Variants in C10orf88 observed in about 807,000 individuals in gnomAD.
C10orf88 encodes the protein chromosome 10 open reading frame 88, also known as ATPase PAAT.
In C10orf88, 29 loss-of-function variants were observed where a neutral mutation model predicts 34.2. The ratio of observed to expected loss-of-function variants is 0.85; its 90% CI spans 0.63 to 1.16. The LOEUF (loss-of-function observed/expected upper bound fraction) is 1.16. Ranked by LOEUF, C10orf88 falls within the 50% of genes most tolerant of loss-of-function variation. The pLI, the probability that C10orf88 is intolerant of heterozygous loss-of-function variation, is 0.00. For synonymous variants in C10orf88, 194 were observed against 197.4 expected (o/e 0.98, Z 0.15); for missense variants, 507 against 533.2 (o/e 0.95, Z 0.48).
chr10:122,945,953 C>T (rs776364631), intron 4 of C10orf88, among the ~76,000 whole-genome samples: 2 of 151,864 alleles, frequency 1.3e-5, no homozygotes, highest in African/African-American at 2.4e-5. Flanking sequence ...AAAAATTAGT[C>T]TGGTGTGGTG....
intron 5 of C10orf88, among the ~76,000 whole-genome samples, chr10:122,933,166 C>T (rs115723410): frequency 0.016 from 2,446 of 152,216 alleles, 71 homozygotes; most frequent in African/African-American, 0.055. Flanking sequence ...CAATTTCTAA[C>T]GTTCACAATG....
chr10:122,952,114 T>C (rs776514590), intron 2 of C10orf88, 88 bp from the exon 3 acceptor site: 23 of 748,790 alleles, frequency 3.1e-5, no homozygotes, highest in Non-Finnish European at 4.5e-5. Flanking sequence ...TCCAGAACAA[T>C]ATTGAAATCC....
intron 3 of C10orf88, among the ~76,000 whole-genome samples, chr10:122,951,269 A>C (rs2133337215): frequency 6.6e-6 from 1 of 152,330 alleles, no homozygotes. Flanking sequence ...CAGTTTATAT[A>C]GTTTTTAAAA....
chr10:122,937,949 T>A lies in C10orf88; in HGVS notation c.859A>T (p.Asn287Tyr). The A allele has an allele frequency of 1.2e-6, 2 of 1,613,330 alleles. No individual in the cohort carries two copies. The highest frequency in any genetic ancestry group is 1.7e-6 in the Non-Finnish European group (2 of 1,179,482). The change falls in exon 5 of 6, where the codon AAT becomes TAT. Residue 287 changes from asparagine to tyrosine, a missense_variant. Transcript: ENST00000481909. ...DKSTQLPGGE[N>Y]STKLDECKVM... ...TTACACTCATCAAGCTTGGTAGAAT[T>A]CTCTCCACCAGGCAGTTGTGTACTT...
In C10orf88 at chr10:122,931,451, A is replaced by G. The variant is rs1288926590; in HGVS notation, c.*976T>C. ...AGATACCCTTTTTCTAAAAAATAAG[A>G]CATTTGAAGTAAAGATTAGTTGAAA... On this transcript the variant is annotated 3_prime_UTR_variant, in exon 6 of 6. Transcript: ENST00000481909. 1 of 152,196 alleles carries G rather than the reference A, an allele frequency of 6.6e-6. No individual in the cohort carries two copies. The highest frequency in any genetic ancestry group is 1.5e-5 in the Non-Finnish European group (1 of 68,020). 9.4% of individuals were successfully genotyped at this position (152,196 alleles called of 1,614,324 possible). A position where few individuals can be genotyped will look rare whatever the true frequency, so the allele number is the denominator to read the frequency against.
intron 3 of C10orf88, among the ~76,000 whole-genome samples, chr10:122,951,510 G>A (rs1220208997): frequency 6.6e-6 from 1 of 151,566 alleles, no homozygotes; most frequent in Non-Finnish European, 1.5e-5. Flanking sequence ...CGTGGCTCAT[G>A]GTTAAATTTT....
At chr10:122,942,044 T>A (rs2133331963) in intron 4 of C10orf88, among the ~76,000 whole-genome samples, 1 of 152,266 alleles carries the variant, frequency 6.6e-6, no homozygotes, top group South Asian at 2.1e-4. Context: ...AAAGAAAAAT[T>A]ATTTATAAAT....
intron 3 of C10orf88, among the ~76,000 whole-genome samples, 183 bp downstream of exon 3, chr10:122,951,771 A>C (rs2133337478): frequency 6.6e-6 from 1 of 152,054 alleles, no homozygotes; most frequent in East Asian, 1.9e-4. Flanking sequence ...ATGACGTTGC[A>C]GTGAGCCATG....
intron 4 of C10orf88, among the ~76,000 whole-genome samples, chr10:122,947,643 C>T (rs997423320): frequency 6.6e-6 from 1 of 152,292 alleles, no homozygotes; most frequent in South Asian, 2.1e-4. Flanking sequence ...TTCTCCTAAT[C>T]CTCTGTTTCC....
intron 4 of C10orf88, among the ~76,000 whole-genome samples, chr10:122,941,746 C>T (rs1034666385): frequency 5.9e-5 from 9 of 152,116 alleles, no homozygotes; most frequent in African/African-American, 1.9e-4. Flanking sequence ...TAAAAGGACA[C>T]AGAACTGTTT....
intron 4 of C10orf88, among the ~76,000 whole-genome samples, chr10:122,947,875 G>C (rs779192688): frequency 4.3e-4 from 65 of 151,976 alleles, no homozygotes; most frequent in Non-Finnish European, 7.6e-4. Context: ...CATCATTTTA[G>C]CATCATTTAG....
chr10:122,947,241 G>A (rs1435760044), intron 4 of C10orf88, among the ~76,000 whole-genome samples: 1 of 152,008 alleles, frequency 6.6e-6, no homozygotes, highest in Non-Finnish European at 1.5e-5. Context: ...CAGCTCTCCT[G>A]GTTCTCTTAA....
Position 122,950,076 on chromosome 10 carries a change from C to T in C10orf88, c.442-1221G>A, listed in dbSNP as rs138553509. On this transcript the variant is annotated intron_variant, in intron 3 of 5. Coordinates refer to ENST00000481909, the MANE Select transcript of C10orf88 (RefSeq NM_024942.4). ...GACATTTCATGTATGGTACAGACAA[C>T]AGAGTAGCAAAATGGAAAGGGAACG... is the stretch of plus-strand genomic sequence containing the variant. 3.3e-5 allele frequency among the ~76,000 whole-genome samples: 5 copies of T among 152,248 alleles called. No homozygotes were observed. In the East Asian group the frequency reaches 9.7e-4, roughly 29 times the overall value.
intron 5 of C10orf88, among the ~76,000 whole-genome samples, chr10:122,936,808 T>C (rs1467847289): frequency 6.6e-6 from 1 of 152,042 alleles, no homozygotes; most frequent in Non-Finnish European, 1.5e-5. Flanking sequence ...TATTGGTTTC[T>C]AGTTAGATTC....
intron 1 of C10orf88, among the ~76,000 whole-genome samples, chr10:122,953,649 T>G (rs1564724014): frequency 1.3e-5 from 2 of 152,220 alleles, no homozygotes; most frequent in Non-Finnish European, 2.9e-5. Context: ...ACAGCGATCA[T>G]CTATAGCTGG....
intron 4 of C10orf88, among the ~76,000 whole-genome samples, chr10:122,939,306 A>G (rs184429103): frequency 8.9e-4 from 136 of 151,972 alleles, no homozygotes; most frequent in Non-Finnish European, 1.4e-3. Context: ...AAGAAAAGAA[A>G]AAGAGAAAGT....
At chr10:122,953,785 TC>T (rs1848717875) in intron 1 of C10orf88, among the ~76,000 whole-genome samples, 1 of 151,748 alleles carries the variant, frequency 6.6e-6, no homozygotes, top group Non-Finnish European at 1.5e-5. Context: ...AAATTCCGAG[TC>T]CGGGTCACCT....
At chr10:122,935,458 T>C (rs967298396) in intron 5 of C10orf88, among the ~76,000 whole-genome samples, 3 of 152,088 alleles carry the variant, frequency 2.0e-5, no homozygotes, top group African/African-American at 7.2e-5. Context: ...TTGGTGTACT[T>C]GTGCAGAGTT....
At position 122,953,745 on chromosome 10, in the gene C10orf88, G is replaced by A. The variant is rs190399276; in HGVS notation, c.164+270C>T. Among the ~76,000 whole-genome samples, 5 of 144,270 alleles carry A rather than the reference G, an allele frequency of 3.5e-5. No homozygotes were observed. In the East Asian group the frequency reaches 8.4e-4, roughly 24 times the overall value. 94.6% of individuals were successfully genotyped at this position (144,270 alleles called of 152,430 possible). The stretch of plus-strand genomic sequence containing the variant: ...ACTGACTTTGACAGCAGCCCTGAGG[G>A]GCTATCACGCCTGATGGGGACGTTA... On this transcript the variant is annotated intron_variant, in intron 1 of 5. Coordinates refer to ENST00000481909, the MANE Select transcript of C10orf88 (RefSeq NM_024942.4).
Sources: gnomAD v4.1 joint callset for allele counts (sites outside exome capture counted in the v4.1 genomes callset) on GRCh38, gnomAD v4.1.1 for gene constraint, MANE v1.5 for transcripts, NCBI Gene and HGNC (gene_info 2026-07-23, HGNC 2026-07-21) for gene names.